Variants in ANKRD36B observed in about 807,000 individuals in gnomAD.
ANKRD36B encodes ankyrin repeat domain-containing protein 36B.
ANKRD36B carries 37 observed loss-of-function variants against 135.7 expected under a neutral mutation model. That is an observed-to-expected ratio of 0.27 (90% CI 0.21 to 0.36). The LOEUF (loss-of-function observed/expected upper bound fraction) is 0.36, where lower values mean the gene tolerates loss of function less well. Ranked by LOEUF, ANKRD36B falls within the 10% of genes least tolerant of loss-of-function variation. ANKRD36B has a pLI of 1.00. For synonymous variants in ANKRD36B, 179 were observed against 348.1 expected (o/e 0.51, Z 5.41); for missense variants, 549 against 1,037.1 (o/e 0.53, Z 6.46).
chr2:97,582,980 A>C (rs888785598), intron 3 of ANKRD36B, among the ~76,000 whole-genome samples: 5 of 152,020 alleles, frequency 3.3e-5, no homozygotes, highest in African/African-American at 9.7e-5. Context: ...ATTGTAACCT[A>C]ATTTTTTTTA....
At chr2:97,496,319 G>C (rs2077304531) in intron 43 of ANKRD36B, among the ~76,000 whole-genome samples, 1 of 98,628 alleles carries the variant, frequency 1.0e-5, no homozygotes, top group South Asian at 2.3e-4. Context: ...GTTGGTTCAT[G>C]AGGTTTAAGA....
At chr2:97,582,714 T>C (rs993651264) in intron 3 of ANKRD36B, among the ~76,000 whole-genome samples, 1 of 152,142 alleles carries the variant, frequency 6.6e-6, no homozygotes, top group Non-Finnish European at 1.5e-5. Context: ...CTCCAAGCGA[T>C]TGTATGTAAA....
intron 5 of ANKRD36B, among the ~76,000 whole-genome samples, chr2:97,578,330 AATCACT>A (rs2082357266): frequency 6.6e-6 from 1 of 152,102 alleles, no homozygotes; most frequent in South Asian, 2.1e-4. Context: ...AGCAAAGGTT[AATCACT>A]ACCAGACTGC....
intron 43 of ANKRD36B, among the ~76,000 whole-genome samples, chr2:97,497,022 C>G (rs1351045407): frequency 4.2e-5 from 1 of 24,070 alleles, no homozygotes; most frequent in Non-Finnish European, 1.0e-4. Context: ...ATTTTGTAAG[C>G]CTATACCTGC....
intron 8 of ANKRD36B, among the ~76,000 whole-genome samples, chr2:97,559,741 A>T (rs1181666252): frequency 6.6e-6 from 1 of 151,966 alleles, no homozygotes; most frequent in Non-Finnish European, 1.5e-5. Context: ...GATATTAATA[A>T]GTTTTACATT....
At chr2:97,557,042 A>T in intron 11 of ANKRD36B, 33 bp from the exon 12 acceptor site, 1 of 1,548,040 alleles carries the variant, frequency 6.5e-7, no homozygotes, top group Non-Finnish European at 8.7e-7. Context: ...TAGTCAATAC[A>T]TAATATATAT....
intron 6 of ANKRD36B, among the ~76,000 whole-genome samples, chr2:97,573,682 G>A (rs562245791): frequency 3.5e-4 from 54 of 152,288 alleles, no homozygotes; most frequent in African/African-American, 1.1e-3. Context: ...TACTGGTACC[G>A]AAATGGAGAT....
chr2:97,551,624 A>G (rs954055088), intron 16 of ANKRD36B, 144 bp from the exon 17 acceptor site: 81 of 1,365,624 alleles, frequency 5.9e-5, no homozygotes, highest in Non-Finnish European at 8.0e-5. Context: ...TCTGGGGATT[A>G]GAACATGACA....
At chr2:97,556,556 C>T (rs1222794556) in intron 12 of ANKRD36B, among the ~76,000 whole-genome samples, 1 of 151,840 alleles carries the variant, frequency 6.6e-6, no homozygotes, top group East Asian at 1.9e-4. Flanking sequence ...ATTATGACAA[C>T]TTCCTCCCTC....
Position 97,547,708 on chromosome 2 carries a change from A to G in ANKRD36B, c.1501T>C (p.Leu501=). 1 of 1,561,922 alleles carries G rather than the reference A, an allele frequency of 6.4e-7. No homozygotes were observed. The highest frequency in any genetic ancestry group is 1.2e-5 in the South Asian group (1 of 85,962). ...ATAAATGACAGTTTCATTACCTTCA[A>G]GCCTGGTGGTTGCTCAAAAGACACT... is the stretch of plus-strand genomic sequence containing the variant. The part of the protein sequence containing the change: ...RTVSFEQPPG[L]KATRDEKDSL... The change falls in exon 21 of 44, where the codon TTG becomes CTG. Residue 501 remains leucine (L), a synonymous_variant. Transcript: ENST00000359901.
chr2:97,555,729 G>A (rs1003218283), intron 12 of ANKRD36B, among the ~76,000 whole-genome samples: 16 of 151,922 alleles, frequency 1.1e-4, no homozygotes, highest in Non-Finnish European at 1.6e-4. Context: ...CACTTCAGAT[G>A]AATGTACACT....
Position 97,578,944 on chromosome 2 carries a change from C to A in ANKRD36B, c.657G>T (p.Lys219Asn). 6.2e-7 allele frequency: 1 copy of A among 1,613,068 alleles called. No homozygotes were observed. The highest frequency in any genetic ancestry group is 1.1e-5 in the South Asian group (1 of 91,022). Residue 219 changes from lysine to asparagine, a missense_variant, in exon 5 of 44, where the codon AAG (lysine) becomes AAT (asparagine). Coordinates refer to ENST00000359901, the MANE Select transcript of ANKRD36B (RefSeq NM_001393939.1). ...IDVFSRDVYG[K>N]LAEDYASEAE... ...CCTCACTGGCATAATCTTCTGCAAG[C>A]TTTCCATACACATCTCGAGAAAACA...
rs1161085438 is a variant in ANKRD36B, at chr2:97,549,366, A to G, written c.1477+53T>C. The G allele has an allele frequency of 2.6e-6, 4 of 1,516,596 alleles. No homozygotes were observed. The Admixed American group carries it at 6.1e-5, about 23-fold the overall frequency. The allele number at this position is 1,516,596 out of a possible 1,614,324, so 93.9% of individuals were successfully genotyped here. ...CCCCGCTGATTTATTTGGGGAAGAGAACTTCTTATCTATCTGGACTGAACA... is the reference window on the plus strand; with the variant it reads ...CCCCGCTGATTTATTTGGGGAAGAGGACTTCTTATCTATCTGGACTGAACA... On this transcript the variant is annotated intron_variant, in intron 20 of 43. Coordinates refer to ENST00000359901, the MANE Select transcript of ANKRD36B (RefSeq NM_001393939.1).
intron 6 of ANKRD36B, among the ~76,000 whole-genome samples, chr2:97,574,751 A>G (rs1459131183): frequency 2.6e-5 from 4 of 152,100 alleles, no homozygotes; most frequent in African/African-American, 7.2e-5. Flanking sequence ...CTTATCAGGG[A>G]TTTCAGTACA....
Position 97,578,949 on chromosome 2 carries a change from C to T in ANKRD36B, c.652G>A (p.Gly218Arg). Residue 218 changes from glycine to arginine, a missense_variant, in exon 5 of 44, where the codon GGA (glycine) becomes AGA (arginine). Physicochemically the swap from Gly to Arg is moderately radical, Grantham distance 125. Transcript: ENST00000359901. The stretch of plus-strand genomic sequence containing the variant: ...CTGGCATAATCTTCTGCAAGCTTTC[C>T]ATACACATCTCGAGAAAACACATCA... ...NIDVFSRDVY[G>R]KLAEDYASEA... The T allele has an allele frequency of 6.2e-7, 1 of 1,612,942 alleles. No individual in the cohort carries two copies.
In ANKRD36B at chr2:97,589,712, C is replaced by T. The variant is rs2083288550; in HGVS notation, c.-27G>A. The T allele has an allele frequency of 9.9e-6, 16 of 1,613,804 alleles. No homozygotes were observed. Among genetic ancestry groups the T allele is most frequent in the Non-Finnish European group, 1.3e-5 (15 of 1,179,998 alleles). ...AGGGTGGGCCACCTCTCCCGCTCGT[C>T]GTCTTCCTTAATCGTCGGCTGCAAA... On this transcript the variant is annotated 5_prime_UTR_variant, in exon 1 of 44. Transcript: ENST00000359901.
rs3896685 is a variant in ANKRD36B, at chr2:97,589,857, C to A, written c.-172G>T. On this transcript the variant is annotated 5_prime_UTR_variant, in exon 1 of 44. Coordinates refer to ENST00000359901, the MANE Select transcript of ANKRD36B (RefSeq NM_001393939.1). ...AGACTCTCAGCGCCTCCCGCCTCTC[C>A]GCAGAAACGCCCAACAGAAGGGTTA... The A allele has an allele frequency of 7.8e-3, 7,115 of 913,428 alleles. 3 individuals carry two copies. In the East Asian group the frequency reaches 0.1, roughly 13 times the overall value. The allele number at this position is 913,428 out of a possible 1,614,324, so 56.6% of individuals were successfully genotyped here. A position where few individuals can be genotyped will look rare whatever the true frequency, so the allele number is the denominator to read the frequency against.
At chr2:97,548,361 C>A (rs2079697380) in intron 20 of ANKRD36B, among the ~76,000 whole-genome samples, 1 of 151,934 alleles carries the variant, frequency 6.6e-6, no homozygotes. Context: ...ACTAGTTTAG[C>A]CTTCCAAAAG....
intron 6 of ANKRD36B, among the ~76,000 whole-genome samples, chr2:97,572,718 A>G (rs1428914888): frequency 1.3e-5 from 2 of 150,874 alleles, no homozygotes; most frequent in East Asian, 3.9e-4. Context: ...TGTTCTAATA[A>G]TATTTTCTTT....
Sources: allele counts gnomAD v4.1 joint callset (sites outside exome capture counted in the v4.1 genomes callset), GRCh38; gene constraint gnomAD v4.1.1; transcripts MANE v1.5; gene names NCBI Gene and HGNC (gene_info 2026-07-23, HGNC 2026-07-21).